Variants in BRDT observed in about 807,000 individuals in gnomAD.
BRDT encodes bromodomain testis associated, also known as bromodomain testis-specific protein.
Under a neutral mutation model 113.9 loss-of-function variants are expected in BRDT, and 77 were observed. The observed-to-expected ratio is 0.68, with a 90% confidence interval of 0.56 to 0.82. The LOEUF (loss-of-function observed/expected upper bound fraction) is 0.82. Among genes scored for constraint, BRDT ranks in the 40% least tolerant of loss-of-function variants. The probability of loss-of-function intolerance (pLI) is 0.00; values close to 1 mark genes in which losing one functional copy is unlikely to be tolerated. For synonymous variants in BRDT, 358 were observed against 366.5 expected (o/e 0.98, Z 0.26); for missense variants, 1,027 against 1,105.4 (o/e 0.93, Z 1.01).
In BRDT at chr1:91,978,220, T is replaced by C; in HGVS notation, c.1022T>C (p.Val341Ala). The change falls in exon 7 of 19, where the codon GTT (valine) becomes GCT (alanine). Residue 341 changes from valine to alanine, a missense_variant. Coordinates refer to ENST00000399546, the MANE Select transcript of BRDT (RefSeq NM_207189.4). ...GATGCATACAAATTTGCGGCAGATG[T>C]TAGATTAATGTTCATGAATTGCTAC... ...YKDAYKFAAD[V>A]RLMFMNCYKY... is the part of the protein sequence containing the mutation. 6.2e-7 allele frequency: 1 copy of C among 1,613,970 alleles called. No homozygotes were observed. Among genetic ancestry groups the C allele is most frequent in the Non-Finnish European group, 8.5e-7 (1 of 1,179,928 alleles).
At chr1:91,976,852 A>G (rs1050069565) in intron 5 of BRDT, among the ~76,000 whole-genome samples, 191 bp from the exon 6 acceptor site, 20 of 152,190 alleles carry the variant, frequency 1.3e-4, no homozygotes, top group African/African-American at 4.8e-4. Context: ...TATTCGAACT[A>G]TTTAGTTTGC....
chr1:91,986,888 A>G (rs1320898969), intron 12 of BRDT, among the ~76,000 whole-genome samples: 2 of 152,150 alleles, frequency 1.3e-5, no homozygotes, highest in Admixed American at 1.3e-4. Context: ...TCAAACTAGA[A>G]AGCTAAAGGT....
At chr1:91,968,025 A>T in intron 3 of BRDT, 121 bp from the exon 4 acceptor site, 1 of 895,936 alleles carries the variant, frequency 1.1e-6, no homozygotes, top group Non-Finnish European at 1.6e-6. Flanking sequence ...CTAAATTTAT[A>T]AGAGATGAAT....
chr1:91,988,501 A>T (rs1287326153), intron 12 of BRDT, among the ~76,000 whole-genome samples: 3 of 151,892 alleles, frequency 2.0e-5, no homozygotes, highest in Non-Finnish European at 4.4e-5. Flanking sequence ...CCCAGGTTCA[A>T]GTGATTCTTG....
At chr1:91,954,832 A>G (rs1398000998) in intron 1 of BRDT, among the ~76,000 whole-genome samples, 1 of 151,962 alleles carries the variant, frequency 6.6e-6, no homozygotes, top group Non-Finnish European at 1.5e-5. Context: ...GTGTGGTGGC[A>G]TGCAGCTGTA....
chr1:91,974,254 G>A (rs964679781), intron 4 of BRDT, among the ~76,000 whole-genome samples: 16 of 152,234 alleles, frequency 1.1e-4, no homozygotes, highest in African/African-American at 3.9e-4. Flanking sequence ...AACACCAAAA[G>A]CAATGGCAAC....
At chr1:91,987,822 G>A (rs1200447432) in intron 12 of BRDT, among the ~76,000 whole-genome samples, 1 of 151,888 alleles carries the variant, frequency 6.6e-6, no homozygotes, top group East Asian at 1.9e-4. Context: ...CTCTATGATT[G>A]CAGATCTTTT....
At chr1:91,973,510 T>G (rs11165904) in intron 4 of BRDT, among the ~76,000 whole-genome samples, 108,795 of 151,564 alleles carry the variant, frequency 0.72, 39,969 homozygotes, top group Middle Eastern at 0.82. Context: ...CCCTTGTAAG[T>G]TGGATTCCTA....
At chr1:91,980,183 G>A (rs1227939064) in intron 8 of BRDT, among the ~76,000 whole-genome samples, 1 of 152,144 alleles carries the variant, frequency 6.6e-6, no homozygotes, top group Non-Finnish European at 1.5e-5. Flanking sequence ...AAGGTGGGAG[G>A]ATTGCTTGAG....
chr1:91,968,800 G>T (rs969066077), intron 4 of BRDT, among the ~76,000 whole-genome samples: 3 of 152,122 alleles, frequency 2.0e-5, no homozygotes, highest in African/African-American at 7.2e-5. Context: ...GTATTATAGA[G>T]GTTAATCAAG....
At chr1:91,984,057 GTTGT>G (rs1360274718) in intron 12 of BRDT, among the ~76,000 whole-genome samples, 7 of 152,084 alleles carry the variant, frequency 4.6e-5, no homozygotes, top group Non-Finnish European at 8.8e-5. Flanking sequence ...GATAATGTTA[GTTGT>G]TTATTTTTGA....
intron 3 of BRDT, 47 bp downstream of exon 3, chr1:91,964,811 T>C: frequency 7.9e-7 from 1 of 1,265,850 alleles, no homozygotes; most frequent in Non-Finnish European, 1.1e-6. Flanking sequence ...CCATTACATA[T>C]AGGAGAGAAA....
Position 91,979,581 on chromosome 1 carries a change from A to G in BRDT, c.1111A>G (p.Thr371Ala). Residue 371 changes from threonine (T) to alanine (A), a missense_variant, in exon 8 of 19, where the codon ACG (threonine) becomes GCG (alanine). Physicochemically the swap from Thr to Ala is moderately conservative, Grantham distance 58. Transcript: ENST00000399546. ...TTTTTCATTACAGGATGTTTTCGAA[A>G]CGCATTTTTCAAAGATCCCGATTGA... Reference protein sequence around the residue: ...MARMLQDVFETHFSKIPIEPV... With the variant: ...MARMLQDVFEAHFSKIPIEPV... 1 of 1,606,914 alleles carries G rather than the reference A, an allele frequency of 6.2e-7. No individual in the cohort carries two copies. Among genetic ancestry groups the G allele is most frequent in the Non-Finnish European group, 8.5e-7 (1 of 1,178,544 alleles).
intron 12 of BRDT, 54 bp from the exon 13 acceptor site, chr1:91,991,130 T>G: frequency 8.6e-7 from 1 of 1,159,714 alleles, no homozygotes; most frequent in Non-Finnish European, 1.2e-6. Flanking sequence ...AAATTATAAC[T>G]TGGTATTTTT....
chr1:92,001,268 G>A (rs142503969), intron 15 of BRDT, among the ~76,000 whole-genome samples: 37 of 152,308 alleles, frequency 2.4e-4, no homozygotes, highest in African/African-American at 7.5e-4. Flanking sequence ...TCATCCTTAC[G>A]TTCCCAGTGC....
chr1:91,954,421 A>G (rs1557794817), intron 1 of BRDT, among the ~76,000 whole-genome samples: 1 of 151,788 alleles, frequency 6.6e-6, no homozygotes, highest in Non-Finnish European at 1.5e-5. Flanking sequence ...CTGGGACTAC[A>G]GGTGTGCTCC....
chr1:91,993,369 C>T (rs922031576), intron 14 of BRDT, among the ~76,000 whole-genome samples: 1 of 152,144 alleles, frequency 6.6e-6, no homozygotes, highest in Non-Finnish European at 1.5e-5. Flanking sequence ...ACTGTAACTT[C>T]GCTTGCCACA....
intron 4 of BRDT, among the ~76,000 whole-genome samples, chr1:91,973,662 C>T (rs1203125100): frequency 1.3e-5 from 2 of 152,104 alleles, no homozygotes; most frequent in African/African-American, 4.8e-5. Context: ...TGCTAATCAG[C>T]CTAAGGAGAT....
chr1:91,963,548 ACTTC>A (rs1682729129), intron 2 of BRDT, among the ~76,000 whole-genome samples: 1 of 152,146 alleles, frequency 6.6e-6, no homozygotes, highest in South Asian at 2.1e-4. Flanking sequence ...TTCTCTTGAC[ACTTC>A]CTGGCAGGCT....
Sources: gnomAD v4.1 joint callset for allele counts (sites outside exome capture counted in the v4.1 genomes callset) on GRCh38, gnomAD v4.1.1 for gene constraint, MANE v1.5 for transcripts, NCBI Gene and HGNC (gene_info 2026-07-23, HGNC 2026-07-21) for gene names.